The following FAM133B variants were observed in gnomAD, a reference collection of about 807,000 sequenced individuals.
FAM133B encodes family with sequence similarity 133 member B.
A neutral mutation model predicts 46.4 loss-of-function variants in FAM133B; 25 were observed. The ratio of observed to expected loss-of-function variants is 0.54; its 90% CI spans 0.39 to 0.75. The LOEUF (loss-of-function observed/expected upper bound fraction) is 0.75, where lower values mean the gene tolerates loss of function less well. Among genes scored for constraint, FAM133B ranks in the 30% least tolerant of loss-of-function variants. FAM133B has a pLI of 0.00. For synonymous variants in FAM133B, 75 were observed against 86.0 expected (o/e 0.87, Z 0.71); for missense variants, 205 against 277.6 (o/e 0.74, Z 1.86).
intron 5 of FAM133B, 147 bp downstream of exon 5, chr7:92,578,003 A>G: frequency 2.7e-6 from 2 of 740,222 alleles, no homozygotes; most frequent in East Asian, 2.7e-5. Flanking sequence ...ATAGAACAAA[A>G]TCACTCTTCA....
chr7:92,588,790 G>T (rs1034390667), intron 1 of FAM133B, among the ~76,000 whole-genome samples: 1 of 152,084 alleles, frequency 6.6e-6, no homozygotes, highest in East Asian at 1.9e-4. Context: ...AGATGCGGTT[G>T]TTTAAAACTG....
Position 92,575,818 on chromosome 7 carries a change from T to A in FAM133B, c.469A>T (p.Ser157Cys). 7.8e-7 allele frequency: 1 copy of A among 1,286,130 alleles called. No homozygotes were observed. 79.7% of individuals were successfully genotyped at this position (1,286,130 alleles called of 1,614,324 possible). Residue 157 changes from serine (S) to cysteine (C), a missense_variant, in exon 8 of 11, where the codon AGT (serine) becomes TGT (cysteine). Physicochemically the swap from Ser to Cys is moderately radical, Grantham distance 112. Transcript: ENST00000445716. ...MSETESDSKDSLKKKKKSKDG... is the reference protein window; with the variant it reads ...MSETESDSKDCLKKKKKSKDG... ...TTTGACTTCTTTTTCTTTTTTAAAC[T>A]ATCCTAAACAAAGAAATATATGTAT...
At chr7:92,567,159 G>A (rs918605988) in intron 9 of FAM133B, among the ~76,000 whole-genome samples, 1 of 152,184 alleles carries the variant, frequency 6.6e-6, no homozygotes, top group Non-Finnish European at 1.5e-5. Flanking sequence ...CCAGGCTGCA[G>A]TGATCTATGA....
rs940277993 is a variant in FAM133B at position 92,577,473 on chromosome 7, T to A, written c.372+182A>T. ...AAAACAAATTTTAAAATCTAAAAAA[T>A]ATATTATATACCAATATTTAAGTTC... On this transcript the variant is annotated intron_variant, in intron 6 of 10. Coordinates refer to ENST00000445716, the MANE Select transcript of FAM133B (RefSeq NM_152789.4). 1.9e-5 allele frequency: 9 copies of A among 466,136 alleles called. No homozygotes were observed. The Admixed American group carries it at 3.6e-4, about 19-fold the overall frequency. The allele number at this position is 466,136 out of a possible 1,614,324, so 28.9% of individuals were successfully genotyped here. A position where few individuals can be genotyped will look rare whatever the true frequency, so the allele number is the denominator to read the frequency against.
chr7:92,590,084 C>T (rs940144053), intron 1 of FAM133B, 184 bp downstream of exon 1: 2 of 755,456 alleles, frequency 2.6e-6, no homozygotes, highest in Non-Finnish European at 4.2e-6. Context: ...GAGCTGGGAA[C>T]CCTAAAGCGC....
At position 92,571,911 on chromosome 7, in the gene FAM133B, G is replaced by C. The variant is rs1292236474; in HGVS notation, c.517-1996C>G. 3.9e-5 allele frequency among the ~76,000 whole-genome samples: 6 copies of C among 151,978 alleles called. No homozygotes were observed. The East Asian group carries it at 7.7e-4, about 20-fold the overall frequency. The stretch of plus-strand genomic sequence containing the variant: ...GACTTGTATAGTTTTCTTCAAATAA[G>C]TACTGTTTACTTCTTTAAAATTTTC... On this transcript the variant is annotated intron_variant, in intron 8 of 10. Coordinates refer to ENST00000445716, the MANE Select transcript of FAM133B (RefSeq NM_152789.4).
chr7:92,568,288 G>C (rs900760118), intron 9 of FAM133B, among the ~76,000 whole-genome samples: 1 of 151,822 alleles, frequency 6.6e-6, no homozygotes, highest in Admixed American at 6.6e-5. Flanking sequence ...TTTGAAGGGC[G>C]TATGTAATAT....
intron 8 of FAM133B, among the ~76,000 whole-genome samples, chr7:92,571,499 T>C (rs1460484237): frequency 6.6e-6 from 1 of 152,224 alleles, no homozygotes; most frequent in Admixed American, 6.5e-5. Context: ...TTGAAATATA[T>C]GGTCAAAAGT....
intron 3 of FAM133B, 78 bp downstream of exon 3, chr7:92,579,239 A>G: frequency 1.5e-5 from 19 of 1,310,158 alleles, no homozygotes; most frequent in Non-Finnish European, 2.0e-5. Context: ...TCGGCCTCCC[A>G]AAGTGCTGGA....
At position 92,569,906 on chromosome 7, in the gene FAM133B, C is replaced by A; in HGVS notation, c.526G>T (p.Gly176Ter). ...DGTEKEKDIK[G>*]LSKKRKMYSE... ...TACATCTTTCTCTTTTTGCTGAGTC[C>A]TTTAATATCCTATGAAAAATAAATA... Residue 176 changes from glycine (G) to a stop codon, truncating the protein, a stop_gained, in exon 9 of 11, where the codon GGA (glycine) becomes TGA (stop). Transcript: ENST00000445716. LOFTEE classifies it high-confidence loss of function. 2 of 1,351,400 alleles carry A rather than the reference C, an allele frequency of 1.5e-6. No homozygotes were observed. Among genetic ancestry groups the A allele is most frequent in the East Asian group, 6.0e-5 (2 of 33,552 alleles). The allele number at this position is 1,351,400 out of a possible 1,614,324, so 83.7% of individuals were successfully genotyped here.
Position 92,562,164 on chromosome 7 carries a change from G to A in FAM133B, c.*118C>T. 1.6e-6 allele frequency: 2 copies of A among 1,289,590 alleles called. No homozygotes were observed. Among genetic ancestry groups the A allele is most frequent in the Non-Finnish European group, 2.1e-6 (2 of 964,016 alleles). The allele number at this position is 1,289,590 out of a possible 1,614,324, so 79.9% of individuals were successfully genotyped here. A position where few individuals can be genotyped will look rare whatever the true frequency, so the allele number is the denominator to read the frequency against. On this transcript the variant is annotated 3_prime_UTR_variant, in exon 11 of 11. Coordinates refer to ENST00000445716, the MANE Select transcript of FAM133B (RefSeq NM_152789.4). ...TCTGAGTGGCTACTGAATAGTCCAG[G>A]AATAATTCCAAAAACAAGAAAATTC...
intron 1 of FAM133B, among the ~76,000 whole-genome samples, chr7:92,588,206 T>C (rs994984681): frequency 4.6e-5 from 7 of 152,164 alleles, no homozygotes; most frequent in African/African-American, 1.2e-4. Flanking sequence ...ATACCAAAAG[T>C]AGTAAGTAGA....
At chr7:92,575,625 C>A in intron 8 of FAM133B, 146 bp downstream of exon 8, 1 of 406,056 alleles carries the variant, frequency 2.5e-6, no homozygotes, top group South Asian at 6.6e-5. Flanking sequence ...ATAATGAATC[C>A]AAATTAAAAA....
Position 92,583,191 on chromosome 7 carries a change from A to C in FAM133B, c.25-1588T>G, listed in dbSNP as rs538449322. ...ATACATACTATATGCAACCTGGATGAGCCTTGAAAATATGCTAAATGAAAT... is the reference window on the plus strand; with the variant it reads ...ATACATACTATATGCAACCTGGATGCGCCTTGAAAATATGCTAAATGAAAT... On this transcript the variant is annotated intron_variant, in intron 1 of 10. Transcript: ENST00000445716. Among the ~76,000 whole-genome samples, 92 of 152,356 alleles carry C rather than the reference A, an allele frequency of 6.0e-4. 4 individuals are homozygous for C. The South Asian group carries it at 0.018, about 31-fold the overall frequency.
chr7:92,575,662 C>CA (rs1267902724), intron 8 of FAM133B, 109 bp downstream of exon 8: 3 of 501,022 alleles, frequency 6.0e-6, no homozygotes, highest in Middle Eastern at 5.6e-4. Flanking sequence ...CAAAATATTA[C>CA]AAAAACAAAA....
At chr7:92,588,468 A>G (rs1240355979) in intron 1 of FAM133B, among the ~76,000 whole-genome samples, 1 of 152,240 alleles carries the variant, frequency 6.6e-6, no homozygotes. Flanking sequence ...TTTCAACGCC[A>G]TGACAATCAA....
rs1363948525 is a variant in FAM133B, at chr7:92,579,255, A to AG, written c.201+61dup. ...CGGCCTCCCAAAGTGCTGGAATTAT[A>AG]GGTATGAGCCACCATAACTGGCCAA... On this transcript the variant is annotated intron_variant, in intron 3 of 10. Transcript: ENST00000445716. 16 of 1,410,872 alleles carry AG rather than the reference A, an allele frequency of 1.1e-5. No individual in the cohort carries two copies. The Admixed American group carries it at 3.1e-4, about 27-fold the overall frequency. 87.4% of individuals were successfully genotyped at this position (1,410,872 alleles called of 1,614,324 possible). A position where few individuals can be genotyped will look rare whatever the true frequency, so the allele number is the denominator to read the frequency against.
At chr7:92,584,807 G>T (rs936733624) in intron 1 of FAM133B, among the ~76,000 whole-genome samples, 19 of 152,246 alleles carry the variant, frequency 1.2e-4, no homozygotes, top group African/African-American at 4.1e-4. Flanking sequence ...TGTAAAACAG[G>T]AGTATTATTT....
chr7:92,582,210 C>A (rs1794900382), intron 1 of FAM133B, among the ~76,000 whole-genome samples: 1 of 152,116 alleles, frequency 6.6e-6, no homozygotes, highest in African/African-American at 2.4e-5. Flanking sequence ...GATCGTGCCA[C>A]TGCACTCCAG....
Sources: gnomAD v4.1 joint callset for allele counts (sites outside exome capture counted in the v4.1 genomes callset) on GRCh38, gnomAD v4.1.1 for gene constraint, MANE v1.5 for transcripts, NCBI Gene and HGNC (gene_info 2026-07-23, HGNC 2026-07-21) for gene names.